The following ATL2 variants were observed in gnomAD, a reference collection of about 807,000 sequenced individuals.
ATL2 encodes the protein atlastin-2.
Under a neutral mutation model 73.9 loss-of-function variants are expected in ATL2, and 31 were observed. That is an observed-to-expected ratio of 0.42 (90% CI 0.32 to 0.57). The LOEUF is 0.57. Among genes scored for constraint, ATL2 ranks in the 20% least tolerant of loss-of-function variants. ATL2 has a pLI of 0.14. For synonymous variants in ATL2, 291 were observed against 237.5 expected, an observed-to-expected ratio of 1.23 and a Z score of -2.07; for missense variants, 738 against 702.6, an observed-to-expected ratio of 1.05 and a Z score of -0.57.
intron 9 of ATL2, 137 bp downstream of exon 9, chr2:38,309,242 T>C: frequency 1.2e-6 from 1 of 851,044 alleles, no homozygotes; most frequent in South Asian, 2.2e-5. Flanking sequence ...ATACATCTAA[T>C]TCAAGGCAGA....
chr2:38,341,893 G>A (rs1435710361), intron 2 of ATL2, among the ~76,000 whole-genome samples: 2 of 152,110 alleles, frequency 1.3e-5, no homozygotes, highest in African/African-American at 4.8e-5. Context: ...ACTCATAAAG[G>A]TGAGCACCCT....
At chr2:38,307,221 G>A (rs763997066) in intron 9 of ATL2, among the ~76,000 whole-genome samples, 4 of 152,124 alleles carry the variant, frequency 2.6e-5, no homozygotes, top group Admixed American at 6.5e-5. Flanking sequence ...AGCTAGGCAT[G>A]GTGGCAGCTG....
At chr2:38,343,020 C>T (rs897570231) in intron 2 of ATL2, among the ~76,000 whole-genome samples, 7 of 149,472 alleles carry the variant, frequency 4.7e-5, no homozygotes, top group East Asian at 2.0e-4. Context: ...TGGTGGCACA[C>T]GCCTGTAGTC....
chr2:38,345,495 A>T (rs1035042004), intron 1 of ATL2, among the ~76,000 whole-genome samples: 2 of 152,302 alleles, frequency 1.3e-5, no homozygotes, highest in East Asian at 1.9e-4. Flanking sequence ...ACTATTTCAA[A>T]ATGTGCTGAA....
intron 1 of ATL2, among the ~76,000 whole-genome samples, chr2:38,348,909 C>G (rs1042000578): frequency 3.3e-5 from 5 of 151,902 alleles, no homozygotes; most frequent in Admixed American, 6.6e-5. Flanking sequence ...GCAGCCAAAA[C>G]ACACATGAAA....
chr2:38,341,392 G>A (rs911390261), intron 2 of ATL2, among the ~76,000 whole-genome samples: 2 of 152,090 alleles, frequency 1.3e-5, no homozygotes, highest in Non-Finnish European at 2.9e-5. Context: ...ATCCCAACAC[G>A]TTGGGACGCT....
rs533731345 is a variant in ATL2 at position 38,374,946 on chromosome 2, C to T, written c.118+2197G>A. ...TATTTTCACTCAGGGTTTCTTTTCC[C>T]TATAATATCTTTACTGTAAGGCAGC... is the stretch of plus-strand genomic sequence containing the variant. On this transcript the variant is annotated intron_variant, in intron 1 of 12. Transcript: ENST00000378954. Among the ~76,000 whole-genome samples, 5 of 152,288 alleles carry T rather than the reference C, an allele frequency of 3.3e-5. No homozygotes were observed. The South Asian group carries it at 1.0e-3, about 32-fold the overall frequency.
rs987262310 is a variant in ATL2 at position 38,295,279 on chromosome 2, G to C, written c.*715C>G. The stretch of plus-strand genomic sequence containing the variant: ...CAGACACTCTTAACTCATAGCTGTA[G>C]GCAACATTTTTGGATGGAATTTCTT... On this transcript the variant is annotated 3_prime_UTR_variant, in exon 13 of 13. Coordinates refer to ENST00000378954, the MANE Select transcript of ATL2 (RefSeq NM_001135673.4). 1 of 152,110 alleles carries C rather than the reference G, an allele frequency of 6.6e-6. No individual in the cohort carries two copies. The highest frequency in any genetic ancestry group is 2.4e-5 in the African/African-American group (1 of 41,410). 9.4% of individuals were successfully genotyped at this position (152,110 alleles called of 1,614,324 possible). A position where few individuals can be genotyped will look rare whatever the true frequency, so the allele number is the denominator to read the frequency against.
At chr2:38,330,043 C>T (rs1410268414) in intron 2 of ATL2, among the ~76,000 whole-genome samples, 1 of 151,692 alleles carries the variant, frequency 6.6e-6, no homozygotes, top group African/African-American at 2.4e-5. Context: ...GCAGGAGAAT[C>T]GCTTAAACCC....
chr2:38,319,051 A>T lies in ATL2; in HGVS notation c.364-32T>A, dbSNP rs371938526. 6.8e-5 allele frequency: 109 copies of T among 1,595,976 alleles called. No individual in the cohort carries two copies. In the African/African-American group the frequency reaches 1.3e-3, roughly 19 times the overall value. ...AAGTCAAGGATAAATGTAAAATACA[A>T]CACAATTAAGAAATAAAAGAAACCA... On this transcript the variant is annotated intron_variant, in intron 2 of 12. Transcript: ENST00000378954.
intron 2 of ATL2, among the ~76,000 whole-genome samples, chr2:38,324,468 T>G (rs753263597): frequency 6.6e-6 from 1 of 152,212 alleles, no homozygotes; most frequent in Non-Finnish European, 1.5e-5. Flanking sequence ...AACCACCAAT[T>G]GTATTTACTG....
rs6718249 is a variant in ATL2, at chr2:38,310,474, T to C, written c.805-27A>G. On this transcript the variant is annotated intron_variant, in intron 7 of 12. Transcript: ENST00000378954. The stretch of plus-strand genomic sequence containing the variant: ...TGAGGGCGGAGAGAGACAGGTGAAA[T>C]TGTAAACAGAAGAAAGAAAATTTTT... 3,667 of 1,573,048 alleles carry C rather than the reference T, an allele frequency of 2.3e-3. 69 individuals carry two copies. The African/African-American group carries it at 0.045, about 20-fold the overall frequency.
chr2:38,340,517 T>A lies in ATL2; in HGVS notation c.363+2751A>T, dbSNP rs182561719. ...CACCAATTCTGTCTTTGATTACAGA[T>A]TTTAATCTCCTCTTATAAAACTACT... On this transcript the variant is annotated intron_variant, in intron 2 of 12. Coordinates refer to ENST00000378954, the MANE Select transcript of ATL2 (RefSeq NM_001135673.4). Among the ~76,000 whole-genome samples the A allele has an allele frequency of 5.7e-4, 87 of 152,264 alleles. 1 individual carries two copies. The highest frequency in any genetic ancestry group is 1.1e-3 in the Admixed American group (17 of 15,292).
rs752113211 is a variant in ATL2 at position 38,310,481 on chromosome 2, C to A, written c.805-34G>T. On this transcript the variant is annotated intron_variant, in intron 7 of 12. Transcript: ENST00000378954. ...GGAGAGAGACAGGTGAAATTGTAAACAGAAGAAAGAAAATTTTTTTAAAGA... is the reference window on the plus strand; with the variant it reads ...GGAGAGAGACAGGTGAAATTGTAAAAAGAAGAAAGAAAATTTTTTTAAAGA... 9.6e-6 allele frequency: 15 copies of A among 1,565,356 alleles called. No individual in the cohort carries two copies. In the South Asian group the frequency reaches 1.8e-4, roughly 19 times the overall value.
chr2:38,301,489 A>G (rs1667189043), intron 9 of ATL2, among the ~76,000 whole-genome samples: 1 of 152,234 alleles, frequency 6.6e-6, no homozygotes, highest in African/African-American at 2.4e-5. Flanking sequence ...AGGATGTGAA[A>G]AACAGTCTTG....
intron 11 of ATL2, among the ~76,000 whole-genome samples, chr2:38,298,851 C>A (rs951275606): frequency 1.3e-5 from 2 of 152,110 alleles, no homozygotes; most frequent in Admixed American, 1.3e-4. Context: ...CCATCATATA[C>A]CATAATAGCA....
intron 2 of ATL2, among the ~76,000 whole-genome samples, chr2:38,329,405 A>G (rs910988459): frequency 8.8e-5 from 12 of 136,066 alleles, no homozygotes; most frequent in Admixed American, 3.7e-4. Context: ...CCTAGGAGAC[A>G]GAGCAAGACT....
intron 2 of ATL2, among the ~76,000 whole-genome samples, chr2:38,334,282 G>A (rs186101214): frequency 6.6e-6 from 1 of 151,412 alleles, no homozygotes; most frequent in Non-Finnish European, 1.5e-5. Context: ...GACTTGCCTC[G>A]GCCTCCTAAA....
At chr2:38,327,976 C>T (rs1271725094) in intron 2 of ATL2, among the ~76,000 whole-genome samples, 2 of 151,974 alleles carry the variant, frequency 1.3e-5, no homozygotes, top group South Asian at 4.2e-4. Flanking sequence ...AAAAATAGAG[C>T]CAACTATATG....
Sources: gnomAD v4.1 joint callset for allele counts (sites outside exome capture counted in the v4.1 genomes callset) on GRCh38, gnomAD v4.1.1 for gene constraint, MANE v1.5 for transcripts, NCBI Gene and HGNC (gene_info 2026-07-23, HGNC 2026-07-21) for gene names.